The following JAK2 variants were observed in gnomAD, a reference collection of about 807,000 sequenced individuals.
JAK2 encodes tyrosine-protein kinase JAK2.
A neutral mutation model predicts 139.3 loss-of-function variants in JAK2; 86 were observed. The observed-to-expected ratio is 0.62, with a 90% CI of 0.52 to 0.74. The LOEUF (loss-of-function observed/expected upper bound fraction) is 0.74. Among genes scored for constraint, JAK2 ranks in the 30% least tolerant of loss-of-function variants. The pLI is 0.00. For missense variants in JAK2, 1,421 were observed against 1,360.3 expected, an observed-to-expected ratio of 1.04 and a Z score of -0.70; for synonymous variants, 490 against 437.7, an observed-to-expected ratio of 1.12 and a Z score of -1.49.
At chr9:5,039,039 A>G (rs1309382504) in intron 4 of JAK2, among the ~76,000 whole-genome samples, 1 of 152,144 alleles carries the variant, frequency 6.6e-6, no homozygotes, top group African/African-American at 2.4e-5. Flanking sequence ...AAAAAATTCA[A>G]AAGTAATGTC....
chr9:5,108,054 A>T (rs919704400), intron 22 of JAK2: 2 of 152,116 alleles, frequency 1.3e-5, no homozygotes, highest in Non-Finnish European at 2.9e-5. Flanking sequence ...TTTTTAACCA[A>T]TTCAACAGTA....
chr9:5,098,222 C>T (rs1032890359), intron 22 of JAK2: 3 of 152,150 alleles, frequency 2.0e-5, no homozygotes, highest in Non-Finnish European at 4.4e-5. Context: ...AAGGAATTAA[C>T]TTCCAGAAAC....
At chr9:5,098,869 T>G (rs537703734) in intron 22 of JAK2, 2 of 152,352 alleles carry the variant, frequency 1.3e-5, no homozygotes, top group East Asian at 3.9e-4. Flanking sequence ...AATTTTTTTG[T>G]ATTTTTAGTA....
intron 14 of JAK2, among the ~76,000 whole-genome samples, chr9:5,076,907 A>G (rs1013449616): frequency 2.6e-5 from 4 of 151,972 alleles, no homozygotes; most frequent in African/African-American, 9.7e-5. Context: ...GGAAGCCAAC[A>G]CTTGTTTTTC....
At chr9:5,042,924 C>T (rs1452589300) in intron 4 of JAK2, among the ~76,000 whole-genome samples, 4 of 152,128 alleles carry the variant, frequency 2.6e-5, no homozygotes, top group Non-Finnish European at 4.4e-5. Context: ...GTGGGCCCTG[C>T]TAGGAGGGTG....
rs747083418 is a variant in JAK2 at position 5,066,726 on chromosome 9, A to G, written c.1263A>G (p.Gly421=). The change falls in exon 10 of 25, where the codon GGA becomes GGG. Residue 421 remains glycine (G), a synonymous_variant. Coordinates refer to ENST00000381652, the MANE Select transcript of JAK2 (RefSeq NM_004972.4). The part of the protein sequence containing the change: ...SKLKKAGNQT[G]LYVLRCSPKD... ...TGAAGAAAGCAGGTAATCAGACTGG[A>G]CTGTATGTACTTCGATGCAGTCCTA... 1.9e-6 allele frequency: 3 copies of G among 1,608,458 alleles called. No individual in the cohort carries two copies. The Admixed American group carries it at 5.1e-5, about 27-fold the overall frequency.
At chr9:5,073,811 TGCCTTTCTCAG>T (rs754461446) in intron 14 of JAK2, 26 bp downstream of exon 14, 1 of 1,402,746 alleles carries the variant, frequency 7.1e-7, no homozygotes, top group Non-Finnish European at 1.0e-6. Context: ...GGCTTTCTAA[TGCCTTTCTCAG>T]AGCATCTGTT....
intron 4 of JAK2, among the ~76,000 whole-genome samples, chr9:5,039,833 A>G (rs926305031): frequency 6.6e-6 from 1 of 152,316 alleles, no homozygotes; most frequent in Non-Finnish European, 1.5e-5. Flanking sequence ...AAACACCTAA[A>G]TAAATGGAAA....
At chr9:5,060,821 C>T (rs1461057011) in intron 8 of JAK2, among the ~76,000 whole-genome samples, 1 of 152,172 alleles carries the variant, frequency 6.6e-6, no homozygotes, top group Non-Finnish European at 1.5e-5. Flanking sequence ...ATTTACCCAG[C>T]TCCATCAGAT....
chr9:5,085,312 A>G (rs142512482), intron 19 of JAK2: 113 of 748,052 alleles, frequency 1.5e-4, no homozygotes, highest in African/African-American at 1.5e-3. Flanking sequence ...GAAGTCGAAT[A>G]CATCATCTAT....
intron 22 of JAK2, chr9:5,112,095 C>T (rs1822627253): frequency 5.5e-6 from 2 of 362,582 alleles, no homozygotes; most frequent in Admixed American, 3.3e-5. Context: ...AGACCACCTA[C>T]CTGAACGAGG....
chr9:5,114,205 G>C (rs116228044), intron 22 of JAK2: 5 of 485,958 alleles, frequency 1.0e-5, no homozygotes, highest in African/African-American at 7.8e-5. Flanking sequence ...TACCTGAGCC[G>C]GTCCAGCCCC....
intron 22 of JAK2, chr9:5,111,851 A>C: frequency 2.5e-6 from 1 of 395,632 alleles, no homozygotes; most frequent in Non-Finnish European, 5.0e-6. Flanking sequence ...GGGGCCGACA[A>C]CCTCCTGGGC....
At chr9:5,063,561 G>A (rs1349771672) in intron 8 of JAK2, among the ~76,000 whole-genome samples, 1 of 151,964 alleles carries the variant, frequency 6.6e-6, no homozygotes, top group Non-Finnish European at 1.5e-5. Context: ...ACAGCCTCTG[G>A]TATTTGTTGG....
intron 4 of JAK2, among the ~76,000 whole-genome samples, chr9:5,031,124 T>TG (rs1823119008): frequency 6.6e-6 from 1 of 152,134 alleles, no homozygotes; most frequent in Non-Finnish European, 1.5e-5. Context: ...AGATGGAATA[T>TG]TACAAAGATC....
chr9:5,090,787 A>G lies in JAK2; in HGVS notation c.2935A>G (p.Thr979Ala). The change falls in exon 22 of 25, where the codon ACG becomes GCG. Residue 979 changes from threonine (T) to alanine (A), a missense_variant. Thr to Ala is a moderately conservative substitution (Grantham distance 58). Coordinates refer to ENST00000381652, the MANE Select transcript of JAK2 (RefSeq NM_004972.4). Reference sequence around the variant, plus strand: ...AAGGTATATCCACAGGGATCTGGCAACGAGAAATATATTGGTGGAGAACGA... The same window carrying G: ...AAGGTATATCCACAGGGATCTGGCAGCGAGAAATATATTGGTGGAGAACGA... ...TKRYIHRDLA[T>A]RNILVENENR... 6.2e-7 allele frequency: 1 copy of G among 1,613,330 alleles called. No individual in the cohort carries two copies. Among genetic ancestry groups the G allele is most frequent in the South Asian group, 1.1e-5 (1 of 90,888 alleles).
intron 22 of JAK2, among the ~76,000 whole-genome samples, chr9:5,122,334 T>C (rs1823681249): frequency 6.6e-6 from 1 of 152,132 alleles, no homozygotes; most frequent in East Asian, 1.9e-4. Flanking sequence ...CTGTGACTTT[T>C]TCCTTTCTGT....
At chr9:5,042,633 G>A (rs1354990054) in intron 4 of JAK2, among the ~76,000 whole-genome samples, 2 of 151,514 alleles carry the variant, frequency 1.3e-5, no homozygotes, top group African/African-American at 4.9e-5. Context: ...GCGTCATAAA[G>A]TCCAGCTTGT....
In JAK2 at chr9:5,055,836, G is replaced by A. The variant is rs748682221; in HGVS notation, c.1056+48G>A. The A allele has an allele frequency of 1.4e-5, 21 of 1,521,192 alleles. No individual in the cohort carries two copies. The East Asian group carries it at 3.6e-4, about 26-fold the overall frequency. The allele number at this position is 1,521,192 out of a possible 1,614,324, so 94.2% of individuals were successfully genotyped here. A position where few individuals can be genotyped will look rare whatever the true frequency, so the allele number is the denominator to read the frequency against. ...TAATGGTTTCATTTTATAGTTCTCA[G>A]AAATGTGTATTTTAGAATCTTAGTA... On this transcript the variant is annotated intron_variant, in intron 8 of 24. Transcript: ENST00000381652.
Sources: allele counts gnomAD v4.1 joint callset (sites outside exome capture counted in the v4.1 genomes callset), GRCh38; gene constraint gnomAD v4.1.1; transcripts MANE v1.5; gene names NCBI Gene and HGNC (gene_info 2026-07-23, HGNC 2026-07-21).